Variants in CTNND2 observed in about 807,000 individuals in gnomAD.
CTNND2 encodes the protein catenin delta-2.
CTNND2 carries 22 observed loss-of-function variants against 144.4 expected under a neutral mutation model. The observed-to-expected ratio is 0.15, with a 90% CI of 0.11 to 0.22. The LOEUF (loss-of-function observed/expected upper bound fraction) is 0.22. CTNND2 is among the 10% of genes least tolerant of loss of function. CTNND2 has a pLI of 1.00. For missense variants in CTNND2, 1,353 were observed against 1,618.8 expected (o/e 0.84, Z 2.82); for synonymous variants, 751 against 695.6 (o/e 1.08, Z -1.25).
chr5:11,048,439 A>G (rs541622904), intron 16 of CTNND2, among the ~76,000 whole-genome samples: 75 of 152,342 alleles, frequency 4.9e-4, no homozygotes, highest in African/African-American at 1.8e-3. Flanking sequence ...ATTTTTAGGT[A>G]CTGCATTTAG....
chr5:11,800,876 T>G (rs953990447), intron 1 of CTNND2, among the ~76,000 whole-genome samples: 1 of 152,308 alleles, frequency 6.6e-6, no homozygotes, highest in East Asian at 1.9e-4. Context: ...CATTTTAGAA[T>G]TCCCTTCTCT....
chr5:11,439,331 T>C (rs61755472), intron 3 of CTNND2, among the ~76,000 whole-genome samples: 1,914 of 152,246 alleles, frequency 0.013, 31 homozygotes, highest in African/African-American at 0.043. Flanking sequence ...GAGATCCCTG[T>C]AGACAGTAGT....
At chr5:11,248,195 G>A (rs577034429) in intron 9 of CTNND2, among the ~76,000 whole-genome samples, 12 of 152,200 alleles carry the variant, frequency 7.9e-5, no homozygotes, top group South Asian at 2.1e-4. Flanking sequence ...CAAAATACTC[G>A]GATCAGGAGA....
intron 3 of CTNND2, among the ~76,000 whole-genome samples, chr5:11,557,020 G>A (rs377527794): frequency 6.6e-6 from 1 of 151,998 alleles, no homozygotes. Context: ...TTTTGAGTAC[G>A]AATGCATGCA....
chr5:11,850,854 T>A (rs1173144870), intron 1 of CTNND2, among the ~76,000 whole-genome samples: 1 of 152,228 alleles, frequency 6.6e-6, no homozygotes, highest in Non-Finnish European at 1.5e-5. Flanking sequence ...TAGGAAACTT[T>A]ATGTGTCTAC....
At chr5:11,283,049 C>A (rs1345282391) in intron 9 of CTNND2, among the ~76,000 whole-genome samples, 2 of 152,290 alleles carry the variant, frequency 1.3e-5, no homozygotes, top group Admixed American at 1.3e-4. Context: ...GCCAGTCTTA[C>A]AAAATTCTCC....
chr5:11,034,978 C>T (rs1366953931), intron 16 of CTNND2, among the ~76,000 whole-genome samples: 1 of 150,846 alleles, frequency 6.6e-6, no homozygotes, highest in African/African-American at 2.4e-5. Context: ...CCCACTAACT[C>T]GTCATCTAGC....
At chr5:11,645,709 C>G (rs548473919) in intron 2 of CTNND2, among the ~76,000 whole-genome samples, 4 of 151,986 alleles carry the variant, frequency 2.6e-5, no homozygotes, top group Non-Finnish European at 5.9e-5. Flanking sequence ...ATTTTTAGAC[C>G]AGGGAAATAA....
intron 9 of CTNND2, among the ~76,000 whole-genome samples, chr5:11,304,343 T>C (rs201560251): frequency 6.9e-6 from 1 of 145,820 alleles, no homozygotes; most frequent in African/African-American, 2.6e-5. Context: ...CACACACTCT[T>C]TCTCTCTCTC....
chr5:11,425,281 G>A (rs1246854717), intron 3 of CTNND2, among the ~76,000 whole-genome samples: 1 of 152,180 alleles, frequency 6.6e-6, no homozygotes, highest in African/African-American at 2.4e-5. Flanking sequence ...TGATTTGCAG[G>A]GTAGCTACTG....
At chr5:11,751,777 G>A (rs1374490166) in intron 1 of CTNND2, among the ~76,000 whole-genome samples, 1 of 151,776 alleles carries the variant, frequency 6.6e-6, no homozygotes, top group Admixed American at 6.6e-5. Flanking sequence ...TAACTTCTTT[G>A]GGAAATCGCC....
At chr5:11,551,959 T>TCCTGGCCTCAAGTGATCCC in intron 3 of CTNND2, among the ~76,000 whole-genome samples, 1 of 152,136 alleles carries the variant, frequency 6.6e-6, no homozygotes, top group Non-Finnish European at 1.5e-5. Context: ...GGTCTCGAAC[T>TCCTGGCCTCAAGTGATCCC]CCTGGCCTCA....
intron 1 of CTNND2, among the ~76,000 whole-genome samples, chr5:11,893,114 A>C (rs115596711): frequency 6.6e-6 from 1 of 152,234 alleles, no homozygotes; most frequent in Non-Finnish European, 1.5e-5. Flanking sequence ...GCCACAAGGA[A>C]GCCATATAAA....
intron 16 of CTNND2, among the ~76,000 whole-genome samples, chr5:11,044,699 G>A (rs565253969): frequency 5.3e-5 from 8 of 152,320 alleles, no homozygotes; most frequent in Admixed American, 2.0e-4. Flanking sequence ...TCAAGTTCAG[G>A]TGAGCATGTG....
rs368966775 is a variant in CTNND2, at chr5:10,973,477, C to A, written c.3654G>T (p.Pro1218=). 1 of 1,601,952 alleles carries A rather than the reference C, an allele frequency of 6.2e-7. No homozygotes were observed. Among genetic ancestry groups the A allele is most frequent in the Non-Finnish European group, 8.5e-7 (1 of 1,172,260 alleles). The change falls in exon 22 of 22, where the codon CCG becomes CCT. Residue 1218 remains proline, a synonymous_variant. Coordinates refer to ENST00000304623, the MANE Select transcript of CTNND2 (RefSeq NM_001332.4). The surrounding 1 kb of genome is among the most constrained non-coding windows in gnomAD (Gnocchi z 5.6). Reference sequence around the variant, plus strand: ...CTCACACCCAGGAGTCGGGGGAGGCCGGGTAGTGGCTCGTTTCATAGTTCA... The same window carrying A: ...CTCACACCCAGGAGTCGGGGGAGGCAGGGTAGTGGCTCGTTTCATAGTTCA... ...SELNYETSHY[P]ASPDSWV
chr5:11,518,835 T>C (rs1234812386), intron 3 of CTNND2, among the ~76,000 whole-genome samples: 1 of 152,182 alleles, frequency 6.6e-6, no homozygotes, highest in African/African-American at 2.4e-5. Context: ...AGGTACACTC[T>C]ACGATGTTCA....
At chr5:11,020,150 G>A (rs562277848) in intron 17 of CTNND2, among the ~76,000 whole-genome samples, 38 of 152,114 alleles carry the variant, frequency 2.5e-4, no homozygotes, top group Non-Finnish European at 2.6e-4. Context: ...TCCGCCAGAC[G>A]CTGTGAGTTG....
At chr5:11,213,274 G>C (rs1738827483) in intron 10 of CTNND2, among the ~76,000 whole-genome samples, 2 of 152,062 alleles carry the variant, frequency 1.3e-5, no homozygotes, top group South Asian at 4.2e-4. Flanking sequence ...GATCCCAGAG[G>C]CTGAGCAAAA....
intron 2 of CTNND2, among the ~76,000 whole-genome samples, chr5:11,589,378 C>T (rs1779095246): frequency 6.6e-6 from 1 of 151,818 alleles, no homozygotes; most frequent in South Asian, 2.1e-4. Flanking sequence ...ACTTTATTTC[C>T]TTGATGAATT....
Sources: gnomAD v4.1 joint callset for allele counts (sites outside exome capture counted in the v4.1 genomes callset) on GRCh38, gnomAD v4.1.1 for gene constraint, Gnocchi (gnomAD v3.1) non-coding constraint, MANE v1.5 for transcripts, NCBI Gene and HGNC (gene_info 2026-07-23, HGNC 2026-07-21) for gene names.